The following GTF2A2 variants were observed in gnomAD, a reference collection of about 807,000 sequenced individuals.
GTF2A2 encodes the protein transcription initiation factor IIA subunit 2.
GTF2A2 carries 9 observed loss-of-function variants against 14.3 expected under a neutral mutation model. That is an observed-to-expected ratio of 0.63 (90% CI 0.38 to 1.10). The LOEUF (loss-of-function observed/expected upper bound fraction) is 1.10, where lower values mean the gene tolerates loss of function less well. GTF2A2 is among the 50% of genes least tolerant of loss of function. The pLI is 0.01. For missense variants in GTF2A2, 90 were observed against 124.6 expected (o/e 0.72, Z 1.32); for synonymous variants, 56 against 46.0 (o/e 1.22, Z -0.88).
intron 2 of GTF2A2, 38 bp downstream of exon 2, chr15:59,652,168 C>G: frequency 8.9e-7 from 1 of 1,123,698 alleles, no homozygotes; most frequent in Non-Finnish European, 1.3e-6. Context: ...GTAAACCCAT[C>G]AAGATAAAAA....
chr15:59,648,626 C>A (rs183822867), intron 3 of GTF2A2, among the ~76,000 whole-genome samples: 86 of 151,824 alleles, frequency 5.7e-4, no homozygotes, highest in Non-Finnish European at 1.0e-3. Flanking sequence ...TATATTGAAC[C>A]CATAAAAGGA....
At chr15:59,649,932 C>T (rs367675804) in intron 3 of GTF2A2, among the ~76,000 whole-genome samples, 35 of 152,122 alleles carry the variant, frequency 2.3e-4, no homozygotes, top group East Asian at 1.2e-3. Context: ...TTTTAACCTT[C>T]TTTTGACTAT....
intron 2 of GTF2A2, chr15:59,651,304 A>G (rs1289141027): frequency 6.5e-6 from 1 of 152,738 alleles, no homozygotes; most frequent in Non-Finnish European, 1.5e-5. Flanking sequence ...CAGCCTCCCA[A>G]GTAGCTGGGA....
chr15:59,645,172 A>C (rs545547691), intron 3 of GTF2A2, among the ~76,000 whole-genome samples: 12 of 152,314 alleles, frequency 7.9e-5, no homozygotes, highest in Admixed American at 2.6e-4. Context: ...GCATTCACAG[A>C]AAAAGCTGGT....
At chr15:59,653,456 A>C (rs1891854888) in intron 1 of GTF2A2, among the ~76,000 whole-genome samples, 1 of 152,176 alleles carries the variant, frequency 6.6e-6, no homozygotes, top group South Asian at 2.1e-4. Flanking sequence ...GCCTTCTTGA[A>C]ACATTTCTTT....
At chr15:59,649,660 G>A (rs953203688) in intron 3 of GTF2A2, among the ~76,000 whole-genome samples, 1 of 152,198 alleles carries the variant, frequency 6.6e-6, no homozygotes, top group South Asian at 2.1e-4. Flanking sequence ...TTTGGCACAT[G>A]AAACTGATAT....
chr15:59,645,054 G>C (rs921908459), intron 3 of GTF2A2, among the ~76,000 whole-genome samples: 3 of 152,210 alleles, frequency 2.0e-5, no homozygotes, highest in African/African-American at 7.2e-5. Context: ...AATAGAAATG[G>C]AGAGACTTTT....
intron 3 of GTF2A2, 76 bp downstream of exon 3, chr15:59,650,593 T>C (rs1211119556): frequency 1.1e-5 from 9 of 785,444 alleles, no homozygotes; most frequent in African/African-American, 1.7e-5. Flanking sequence ...TTAATAAATA[T>C]GTAGGGGTCC....
intron 2 of GTF2A2, chr15:59,651,170 GTT>G: frequency 7.1e-6 from 1 of 141,638 alleles, no homozygotes; most frequent in South Asian, 2.2e-4. Context: ...TACTTAATAT[GTT>G]TTTTTTTTTT....
In GTF2A2 at chr15:59,639,136, T is replaced by G; in HGVS notation, c.326A>C (p.Glu109Ala). 6.9e-7 allele frequency: 1 copy of G among 1,449,206 alleles called. No individual in the cohort carries two copies. Among genetic ancestry groups the G allele is most frequent in the Non-Finnish European group, 9.7e-7 (1 of 1,032,270 alleles). 89.8% of individuals were successfully genotyped at this position (1,449,206 alleles called of 1,614,324 possible). ...AAAAAGTCATATTTTTTCTATTCAT[T>G]CTGTAGTATTGGAGCCAGTATCTAG... The part of the protein sequence containing the change: ...DGKNTGSNTT[E>A] The change falls in exon 5 of 5, where the codon GAA (glutamate) becomes GCA (alanine). Residue 109 changes from glutamate to alanine, a missense_variant. Physicochemically the swap from Glu to Ala is moderately radical, Grantham distance 107. Transcript: ENST00000396060.
intron 3 of GTF2A2, among the ~76,000 whole-genome samples, chr15:59,647,198 C>T (rs1356492159): frequency 6.6e-6 from 1 of 151,936 alleles, no homozygotes; most frequent in Non-Finnish European, 1.5e-5. Context: ...GCTCAAGCTG[C>T]CCTCTCACCT....
chr15:59,650,110 T>C (rs1201155347), intron 3 of GTF2A2, among the ~76,000 whole-genome samples: 1 of 152,184 alleles, frequency 6.6e-6, no homozygotes, highest in South Asian at 2.1e-4. Flanking sequence ...TATCAGGAAA[T>C]TGAGAGAGAT....
At chr15:59,651,463 C>T (rs1361921657) in intron 2 of GTF2A2, 2 of 152,218 alleles carry the variant, frequency 1.3e-5, no homozygotes, top group Non-Finnish European at 2.9e-5. Flanking sequence ...AGTCATGAGC[C>T]ATGGTGCCCA....
rs1891281324 is a variant in GTF2A2 at position 59,638,964 on chromosome 15, G to GTGAT, written c.*164_*167dup. On this transcript the variant is annotated 3_prime_UTR_variant, in exon 5 of 5. Transcript: ENST00000396060. Reference sequence around the variant, plus strand: ...TGGTTTTTCATGCTGTATAATAAAGGTGATGTAAGAGGCTACAGAGTTACA... The same window carrying GTGAT: ...TGGTTTTTCATGCTGTATAATAAAGGTGATTGATGTAAGAGGCTACAGAGTTACA... The GTGAT allele has an allele frequency of 3.4e-6, 2 of 596,814 alleles. No homozygotes were observed. The highest frequency in any genetic ancestry group is 6.1e-6 in the Non-Finnish European group (2 of 327,128). 37.0% of individuals were successfully genotyped at this position (596,814 alleles called of 1,614,324 possible). A position where few individuals can be genotyped will look rare whatever the true frequency, so the allele number is the denominator to read the frequency against.
At chr15:59,650,798 T>C in intron 2 of GTF2A2, 25 bp from the exon 3 acceptor site, 1 of 1,201,344 alleles carries the variant, frequency 8.3e-7, no homozygotes, top group Non-Finnish European at 1.2e-6. Context: ...AGGTCATAAA[T>C]CCCGTTAAGG....
chr15:59,642,068 C>CA (rs1256693936), intron 4 of GTF2A2, 68 bp downstream of exon 4: 21 of 1,416,268 alleles, frequency 1.5e-5, no homozygotes, highest in Non-Finnish European at 2.0e-5. Flanking sequence ...CATATGGATG[C>CA]AGATCTTCTA....
chr15:59,643,818 A>T (rs1891514548), intron 3 of GTF2A2, among the ~76,000 whole-genome samples: 1 of 151,764 alleles, frequency 6.6e-6, no homozygotes, highest in South Asian at 2.1e-4. Flanking sequence ...GGCTGGTCTC[A>T]AACTCCTGAC....
chr15:59,650,374 A>G (rs1046489168), intron 3 of GTF2A2, among the ~76,000 whole-genome samples: 1 of 152,328 alleles, frequency 6.6e-6, no homozygotes, highest in Non-Finnish European at 1.5e-5. Context: ...TGCAGATAAT[A>G]TTTCAGGTGT....
chr15:59,655,652 CATT>C (rs757902548), intron 1 of GTF2A2, among the ~76,000 whole-genome samples: 2 of 152,200 alleles, frequency 1.3e-5, no homozygotes, highest in African/African-American at 2.4e-5. Context: ...TTACGGATAA[CATT>C]TATTCTCATG....
Sources: gnomAD v4.1 joint callset for allele counts (sites outside exome capture counted in the v4.1 genomes callset) on GRCh38, gnomAD v4.1.1 for gene constraint, MANE v1.5 for transcripts, NCBI Gene and HGNC (gene_info 2026-07-23, HGNC 2026-07-21) for gene names.